The following PTPRD variants were observed in gnomAD, a reference collection of about 807,000 sequenced individuals.
PTPRD encodes receptor-type tyrosine-protein phosphatase delta.
PTPRD carries 34 observed loss-of-function variants against 214.5 expected under a neutral mutation model. The ratio of observed to expected loss-of-function variants is 0.16; its 90% CI spans 0.12 to 0.21. PTPRD has a LOEUF of 0.21. Ranked by LOEUF, PTPRD falls within the 10% of genes least tolerant of loss-of-function variation. PTPRD has a pLI of 1.00. For synonymous variants in PTPRD, 1,128 were observed against 845.7 expected, an observed-to-expected ratio of 1.33 and a Z score of -5.79; for missense variants, 2,545 against 2,398.7, an observed-to-expected ratio of 1.06 and a Z score of -1.27.
intron 5 of PTPRD, among the ~76,000 whole-genome samples, chr9:9,917,617 C>G (rs1386137606): frequency 1.3e-5 from 2 of 151,778 alleles, no homozygotes; most frequent in Non-Finnish European, 2.9e-5. Flanking sequence ...ATATGAAAAG[C>G]AGACAAGGAT....
At chr9:9,151,563 T>A (rs1032813187) in intron 10 of PTPRD, among the ~76,000 whole-genome samples, 3 of 152,212 alleles carry the variant, frequency 2.0e-5, no homozygotes, top group African/African-American at 7.2e-5. Context: ...AAATTTGAAA[T>A]GGTTGAATAC....
At chr9:8,375,475 C>T (rs2082955826) in intron 39 of PTPRD, among the ~76,000 whole-genome samples, 1 of 151,872 alleles carries the variant, frequency 6.6e-6, no homozygotes, top group South Asian at 2.1e-4. Context: ...GTACAGAAGG[C>T]ATCTTTAAGC....
At chr9:10,044,027 G>A (rs1365787458) in intron 3 of PTPRD, among the ~76,000 whole-genome samples, 2 of 151,684 alleles carry the variant, frequency 1.3e-5, no homozygotes, top group Non-Finnish European at 3.0e-5. Flanking sequence ...AGTTCCCTTT[G>A]TAGAGGGTCT....
chr9:8,465,615 T>C lies in PTPRD; in HGVS notation c.3565A>G (p.Lys1189Glu). 1 of 1,612,464 alleles carries C rather than the reference T, an allele frequency of 6.2e-7. No homozygotes were observed. The highest frequency in any genetic ancestry group is 8.5e-7 in the Non-Finnish European group (1 of 1,178,982). The change falls in exon 32 of 46, where the codon AAG (lysine) becomes GAG (glutamate). Residue 1189 changes from lysine to glutamate, a missense_variant. Physicochemically the swap from Lys to Glu is moderately conservative, Grantham distance 56 (BLOSUM62 1). Coordinates refer to ENST00000381196, the MANE Select transcript of PTPRD (RefSeq NM_002839.4). ...SIRYGREVEL[K>E]PYIAAHFDVL... is the part of the protein sequence containing the mutation. ...TCAAAGTGAGCGGCAATATATGGCT[T>C]TAATTCAACTTCTCTCCCATAACGG...
At chr9:10,049,440 G>GA (rs34304386) in intron 3 of PTPRD, among the ~76,000 whole-genome samples, 3,983 of 137,834 alleles carry the variant, frequency 0.029, 114 homozygotes, top group Admixed American at 0.088. Flanking sequence ...AGAAAGAAAA[G>GA]AAAAAAAAAA....
rs188212670 is a variant in PTPRD at position 9,793,673 on chromosome 9, G to T, written c.-367-26822C>A. 5.9e-5 allele frequency among the ~76,000 whole-genome samples: 9 copies of T among 151,788 alleles called. No homozygotes were observed. In the East Asian group the frequency reaches 1.5e-3, roughly 26 times the overall value. ...AAATTTTTTATTCAGTATTTTCAAAGGTTTCAAATTCAGCTCAGAATATAT... is the reference window on the plus strand; with the variant it reads ...AAATTTTTTATTCAGTATTTTCAAATGTTTCAAATTCAGCTCAGAATATAT... On this transcript the variant is annotated intron_variant, in intron 5 of 45. Coordinates refer to ENST00000381196, the MANE Select transcript of PTPRD (RefSeq NM_002839.4).
chr9:8,956,534 C>G (rs4526401), intron 11 of PTPRD, among the ~76,000 whole-genome samples: 66 of 151,742 alleles, frequency 4.3e-4, no homozygotes, highest in African/African-American at 1.5e-3. Flanking sequence ...GTTTAGAATA[C>G]AGACGTGACT....
At chr9:10,237,534 C>T (rs145518235) in intron 3 of PTPRD, among the ~76,000 whole-genome samples, 1 of 151,942 alleles carries the variant, frequency 6.6e-6, no homozygotes, top group African/African-American at 2.4e-5. Context: ...AAAATTTAAG[C>T]AAGCCTTCTA....
At chr9:10,499,091 G>T (rs2042911367) in intron 2 of PTPRD, among the ~76,000 whole-genome samples, 2 of 151,864 alleles carry the variant, frequency 1.3e-5, no homozygotes, top group Admixed American at 6.6e-5. Flanking sequence ...AAAAGTTGGG[G>T]CAACTTTATA....
chr9:8,484,048 T>C, intron 30 of PTPRD, 71 bp downstream of exon 30: 3 of 1,534,000 alleles, frequency 2.0e-6, no homozygotes, highest in Non-Finnish European at 2.6e-6. Context: ...ACGACCTCTA[T>C]AATTTTGAGA....
intron 36 of PTPRD, among the ~76,000 whole-genome samples, chr9:8,393,187 C>G (rs116126863): frequency 6.6e-6 from 1 of 152,036 alleles, no homozygotes; most frequent in Non-Finnish European, 1.5e-5. Context: ...CAATTCCCTG[C>G]CTTTTCCAAA....
chr9:8,338,418 G>A (rs111706158), intron 43 of PTPRD, among the ~76,000 whole-genome samples: 5,998 of 152,172 alleles, frequency 0.039, 401 homozygotes, highest in African/African-American at 0.14. Context: ...AATAAGCCAT[G>A]CCAGGAATCA....
chr9:9,254,137 T>A (rs2099976688), intron 9 of PTPRD, among the ~76,000 whole-genome samples: 1 of 152,060 alleles, frequency 6.6e-6, no homozygotes, highest in Non-Finnish European at 1.5e-5. Context: ...AAGCAAAGAC[T>A]TTTTCCCAAA....
At chr9:8,403,296 C>A (rs975536460) in intron 36 of PTPRD, among the ~76,000 whole-genome samples, 4 of 152,146 alleles carry the variant, frequency 2.6e-5, no homozygotes, top group African/African-American at 9.7e-5. Flanking sequence ...CTTAAAATAA[C>A]TGGGTCTGAA....
At chr9:9,931,667 C>T (rs1280073514) in intron 5 of PTPRD, among the ~76,000 whole-genome samples, 2 of 151,196 alleles carry the variant, frequency 1.3e-5, no homozygotes, top group Non-Finnish European at 1.5e-5. Context: ...CCCACCATTG[C>T]CCAGGCGTGC....
rs2096390850 is a variant in PTPRD, at chr9:8,635,161, A to C, written c.210+1538T>G. On this transcript the variant is annotated intron_variant, in intron 13 of 45. Coordinates refer to ENST00000381196, the MANE Select transcript of PTPRD (RefSeq NM_002839.4). ...AGTTTGATGAAGCTGCTTTGGGTAAAAATAATTCATTTACCCCAAAGGTGT... is the reference window on the plus strand; with the variant it reads ...AGTTTGATGAAGCTGCTTTGGGTAACAATAATTCATTTACCCCAAAGGTGT... Among the ~76,000 whole-genome samples, 4 of 150,182 alleles carry C rather than the reference A, an allele frequency of 2.7e-5. No individual in the cohort carries two copies. In the Admixed American group the frequency reaches 2.7e-4, roughly 10 times the overall value.
rs371099539 is a variant in PTPRD at position 10,075,678 on chromosome 9, T to TG, written c.-544-41889dup. ...TTTCATCTTTGTTTCTCTCATTTTCTGGGGGGGAGGGGGAAAATTGGTTGT... is the reference window on the plus strand; with the variant it reads ...TTTCATCTTTGTTTCTCTCATTTTCTGGGGGGGGAGGGGGAAAATTGGTTGT... On this transcript the variant is annotated intron_variant, in intron 3 of 45. Transcript: ENST00000381196. Among the ~76,000 whole-genome samples the TG allele has an allele frequency of 4.4e-4, 66 of 151,510 alleles. No homozygotes were observed. In the East Asian group the frequency reaches 0.011, roughly 26 times the overall value.
At chr9:10,123,265 C>T (rs2098791058) in intron 3 of PTPRD, among the ~76,000 whole-genome samples, 2 of 152,146 alleles carry the variant, frequency 1.3e-5, no homozygotes, top group African/African-American at 4.8e-5. Context: ...CCTTTAGACC[C>T]AATAGACTTT....
intron 14 of PTPRD, among the ~76,000 whole-genome samples, chr9:8,623,874 T>C (rs998477568): frequency 6.6e-6 from 1 of 151,872 alleles, no homozygotes; most frequent in African/African-American, 2.4e-5. Context: ...CCAAGGTTGG[T>C]AACAGAAATA....
Sources: gnomAD v4.1 joint callset for allele counts (sites outside exome capture counted in the v4.1 genomes callset) on GRCh38, gnomAD v4.1.1 for gene constraint, MANE v1.5 for transcripts, NCBI Gene and HGNC (gene_info 2026-07-23, HGNC 2026-07-21) for gene names.